The following DLG2 variants were observed in gnomAD, a reference collection of about 807,000 sequenced individuals.
The protein encoded by DLG2 is discs large MAGUK scaffold protein 2, also known as disks large homolog 2.
DLG2 carries 45 observed loss-of-function variants against 132.5 expected under a neutral mutation model. The observed-to-expected ratio is 0.34, with a 90% CI of 0.27 to 0.44. The LOEUF (loss-of-function observed/expected upper bound fraction) is 0.44. Among genes scored for constraint, DLG2 ranks in the 20% least tolerant of loss-of-function variants. The pLI, the probability that DLG2 is intolerant of heterozygous loss-of-function variation, is 1.00. For missense variants in DLG2, 1,045 were observed against 1,196.9 expected (o/e 0.87, Z 1.87); for synonymous variants, 424 against 419.6 (o/e 1.01, Z -0.13).
intron 6 of DLG2, among the ~76,000 whole-genome samples, chr11:84,587,343 G>T (rs1465932077): frequency 6.6e-6 from 1 of 152,044 alleles, no homozygotes; most frequent in African/African-American, 2.4e-5. Context: ...ATGAAAAGAA[G>T]GTACCCAAGA....
chr11:84,585,377 C>T (rs578181509), intron 6 of DLG2, among the ~76,000 whole-genome samples: 194 of 152,210 alleles, frequency 1.3e-3, no homozygotes, highest in Non-Finnish European at 2.4e-3. Flanking sequence ...AGCCGATATG[C>T]TTATCTAATC....
At chr11:84,989,602 T>C (rs1308021850) in intron 6 of DLG2, among the ~76,000 whole-genome samples, 1 of 152,228 alleles carries the variant, frequency 6.6e-6, no homozygotes, top group Non-Finnish European at 1.5e-5. Flanking sequence ...TTTTTGGCTT[T>C]GTGGATACAG....
intron 18 of DLG2, among the ~76,000 whole-genome samples, chr11:83,698,146 A>T (rs2082249324): frequency 6.6e-6 from 1 of 152,204 alleles, no homozygotes; most frequent in South Asian, 2.1e-4. Flanking sequence ...GGAGTACATG[A>T]GATAATAGAG....
At chr11:85,048,709 A>G (rs1233591797) in intron 6 of DLG2, among the ~76,000 whole-genome samples, 1 of 152,040 alleles carries the variant, frequency 6.6e-6, no homozygotes. Flanking sequence ...AGGGTCCATC[A>G]AAACAATGGG....
intron 21 of DLG2, among the ~76,000 whole-genome samples, chr11:83,513,575 T>G (rs1286612539): frequency 6.6e-6 from 1 of 152,252 alleles, no homozygotes; most frequent in African/African-American, 2.4e-5. Context: ...GCTATTGCTT[T>G]TAGTGGTTTA....
chr11:85,121,477 G>A (rs2074307818), intron 5 of DLG2, among the ~76,000 whole-genome samples: 1 of 151,748 alleles, frequency 6.6e-6, no homozygotes, highest in Non-Finnish European at 1.5e-5. Flanking sequence ...AAATGAACAT[G>A]AGTTGGCATT....
chr11:84,254,360 T>C lies in DLG2; in HGVS notation c.520-3069A>G, dbSNP rs201457841. 1.4e-4 allele frequency among the ~76,000 whole-genome samples: 22 copies of C among 152,298 alleles called. No homozygotes were observed. In the East Asian group the frequency reaches 4.1e-3, roughly 28 times the overall value. ...GCTATTTTTCATTTTTTAATGTAAA[T>C]TTAGTCTTTCCAAGAAGACTGTATG... On this transcript the variant is annotated intron_variant, in intron 7 of 27. Coordinates refer to ENST00000376104, the MANE Select transcript of DLG2 (RefSeq NM_001142699.3).
intron 3 of DLG2, among the ~76,000 whole-genome samples, chr11:85,548,588 C>T (rs185733769): frequency 4.2e-4 from 64 of 152,318 alleles, no homozygotes; most frequent in African/African-American, 1.5e-3. Context: ...GCTGTGTCCC[C>T]AACCGCCCCT....
intron 6 of DLG2, among the ~76,000 whole-genome samples, chr11:85,052,487 C>T (rs2063000460): frequency 6.6e-6 from 1 of 152,120 alleles, no homozygotes; most frequent in Non-Finnish European, 1.5e-5. Context: ...CTGTGAGCCA[C>T]ATTTGTTCTA....
At chr11:84,810,213 C>A (rs1433590537) in intron 6 of DLG2, among the ~76,000 whole-genome samples, 2 of 151,774 alleles carry the variant, frequency 1.3e-5, no homozygotes, top group African/African-American at 4.8e-5. Flanking sequence ...AAGCACATAT[C>A]CAAAAAAGAT....
intron 11 of DLG2, among the ~76,000 whole-genome samples, chr11:84,018,746 A>G (rs1334379920): frequency 1.3e-5 from 2 of 151,964 alleles, no homozygotes; most frequent in Admixed American, 6.6e-5. Flanking sequence ...GGCAAACTAT[A>G]TAGGTCTAAT....
intron 6 of DLG2, among the ~76,000 whole-genome samples, chr11:84,734,237 C>A (rs1473174855): frequency 4.6e-5 from 7 of 152,122 alleles, no homozygotes; most frequent in African/African-American, 1.7e-4. Context: ...GCAGTATGGC[C>A]GTTTTCATGA....
At chr11:85,324,033 C>T (rs1456281522) in intron 3 of DLG2, among the ~76,000 whole-genome samples, 1 of 152,176 alleles carries the variant, frequency 6.6e-6, no homozygotes, top group Non-Finnish European at 1.5e-5. Flanking sequence ...CATCTAACTC[C>T]AATTCTCTCC....
At chr11:85,271,650 A>T (rs1272551346) in intron 4 of DLG2, among the ~76,000 whole-genome samples, 1 of 152,242 alleles carries the variant, frequency 6.6e-6, no homozygotes, top group Non-Finnish European at 1.5e-5. Context: ...CTTGCATAGC[A>T]TGACCTAGAT....
At chr11:83,917,377 A>C (rs1276984471) in intron 15 of DLG2, among the ~76,000 whole-genome samples, 4 of 152,206 alleles carry the variant, frequency 2.6e-5, no homozygotes, top group African/African-American at 9.6e-5. Context: ...CATGCTCATT[A>C]CAATGACCTA....
chr11:83,585,653 G>C (rs574488886), intron 19 of DLG2, among the ~76,000 whole-genome samples: 1 of 152,278 alleles, frequency 6.6e-6, no homozygotes, highest in Non-Finnish European at 1.5e-5. Flanking sequence ...TTTTCTGATT[G>C]AAAACATTAC....
Position 84,539,454 on chromosome 11 carries a change from C to T in DLG2, c.358-4723G>A, listed in dbSNP as rs78853829. On this transcript the variant is annotated intron_variant, in intron 6 of 27. Transcript: ENST00000376104. ...GTAGGTACTAATGTCATTCTGGGCACCTTTGAGGATTTCTCTATTGCCTAC... is the reference window on the plus strand; with the variant it reads ...GTAGGTACTAATGTCATTCTGGGCATCTTTGAGGATTTCTCTATTGCCTAC... Among the ~76,000 whole-genome samples the T allele has an allele frequency of 3.8e-3, 586 of 152,280 alleles. 4 individuals carry two copies. Among genetic ancestry groups the T allele is most frequent in the African/African-American group, 0.013 (558 of 41,556 alleles).
Position 85,408,928 on chromosome 11 carries a change from G to A in DLG2, c.41-123563C>T, listed in dbSNP as rs146528525. Reference sequence around the variant, plus strand: ...TATATACCCAGTAATGGGATGGCTGGGTCAAATGGTATTTCTAGTTCTAGA... The same window carrying A: ...TATATACCCAGTAATGGGATGGCTGAGTCAAATGGTATTTCTAGTTCTAGA... On this transcript the variant is annotated intron_variant, in intron 3 of 27. Coordinates refer to ENST00000376104, the MANE Select transcript of DLG2 (RefSeq NM_001142699.3). 1.7e-3 allele frequency among the ~76,000 whole-genome samples: 258 copies of A among 151,832 alleles called. 2 individuals carry two copies. Among genetic ancestry groups the A allele is most frequent in the African/African-American group, 5.9e-3 (244 of 41,436 alleles).
intron 6 of DLG2, among the ~76,000 whole-genome samples, chr11:84,978,687 T>TG (rs762140728): frequency 1.3e-5 from 2 of 152,254 alleles, no homozygotes; most frequent in South Asian, 2.1e-4. Context: ...AAGATTTAAA[T>TG]TTAGACCTAA....
Sources: allele counts gnomAD v4.1 joint callset (sites outside exome capture counted in the v4.1 genomes callset), GRCh38; gene constraint gnomAD v4.1.1; transcripts MANE v1.5; gene names NCBI Gene and HGNC (gene_info 2026-07-23, HGNC 2026-07-21).